Variants in RBFOX1 observed in about 807,000 individuals in gnomAD.
RBFOX1 encodes the protein RNA binding protein fox-1 homolog 1.
A neutral mutation model predicts 57.7 loss-of-function variants in RBFOX1; 8 were observed. That is an observed-to-expected ratio of 0.14 (90% CI 0.08 to 0.25). The LOEUF is 0.25. RBFOX1 is among the 10% of genes least tolerant of loss of function. The pLI is 1.00. For missense variants in RBFOX1, 611 were observed against 548.5 expected (o/e 1.11, Z -1.14); for synonymous variants, 326 against 222.4 (o/e 1.47, Z -4.15).
At chr16:6,482,989 T>C (rs1357405963) in intron 2 of RBFOX1, among the ~76,000 whole-genome samples, 1 of 152,190 alleles carries the variant, frequency 6.6e-6, no homozygotes, top group Non-Finnish European at 1.5e-5. Flanking sequence ...TGGTACATAT[T>C]TAATGCCTGA....
At chr16:6,811,382 A>C (rs1361766569) in intron 3 of RBFOX1, among the ~76,000 whole-genome samples, 2 of 152,236 alleles carry the variant, frequency 1.3e-5, no homozygotes, top group Non-Finnish European at 2.9e-5. Context: ...AAATGTGATT[A>C]GCTTTTAGCT....
At chr16:7,103,146 A>G (rs546141210) in intron 4 of RBFOX1, among the ~76,000 whole-genome samples, 141 of 152,172 alleles carry the variant, frequency 9.3e-4, no homozygotes, top group Non-Finnish European at 1.6e-3. Context: ...AGTATTACTG[A>G]AAGTTATTCC....
chr16:5,435,401 G>C (rs962922918), intron 1 of RBFOX1, among the ~76,000 whole-genome samples: 5 of 152,146 alleles, frequency 3.3e-5, no homozygotes, highest in African/African-American at 1.2e-4. Context: ...GAATGTGTAG[G>C]AGTGGAGCTT....
chr16:6,669,293 C>G (rs1603291877), intron 3 of RBFOX1, among the ~76,000 whole-genome samples: 1 of 152,188 alleles, frequency 6.6e-6, no homozygotes, highest in Admixed American at 6.5e-5. Flanking sequence ...CATGAACACA[C>G]TCACCCAATT....
chr16:6,986,260 G>A (rs1189929478), intron 3 of RBFOX1, among the ~76,000 whole-genome samples: 1 of 151,572 alleles, frequency 6.6e-6, no homozygotes, highest in Non-Finnish European at 1.5e-5. Flanking sequence ...GAGTGCAATG[G>A]CATGATCTTG....
intron 4 of RBFOX1, among the ~76,000 whole-genome samples, chr16:5,906,049 G>A (rs2058447271): frequency 6.6e-6 from 1 of 152,130 alleles, no homozygotes; most frequent in Non-Finnish European, 1.5e-5. Flanking sequence ...GCTGTGAGTG[G>A]GGGTAGTCGC....
intron 14 of RBFOX1, among the ~76,000 whole-genome samples, chr16:7,691,423 GAACGGAAAGAA>G (rs146224200): frequency 0.035 from 5,246 of 151,172 alleles, 123 homozygotes; most frequent in Non-Finnish European, 0.052. Flanking sequence ...AGGAGAGAAA[GAACGGAAAGAA>G]AACGGAAAGG....
At chr16:7,075,413 C>T (rs1325760894) in intron 4 of RBFOX1, among the ~76,000 whole-genome samples, 2 of 152,096 alleles carry the variant, frequency 1.3e-5, no homozygotes, top group Non-Finnish European at 2.9e-5. Context: ...TGTTAGCATA[C>T]ATGATTAGGG....
At chr16:5,718,283 T>A (rs1474210974) in intron 3 of RBFOX1, among the ~76,000 whole-genome samples, 1 of 152,222 alleles carries the variant, frequency 6.6e-6, no homozygotes, top group African/African-American at 2.4e-5. Flanking sequence ...GAACCCAATG[T>A]GCAGTGAGAA....
intron 3 of RBFOX1, among the ~76,000 whole-genome samples, chr16:6,721,588 C>G (rs977164729): frequency 4.6e-5 from 7 of 152,116 alleles, no homozygotes; most frequent in African/African-American, 1.4e-4. Context: ...TAACAGCTCC[C>G]CATTCTCCTT....
At chr16:6,676,712 G>A (rs1208642914) in intron 3 of RBFOX1, among the ~76,000 whole-genome samples, 3 of 67,288 alleles carry the variant, frequency 4.5e-5, no homozygotes, top group African/African-American at 1.8e-4. Context: ...TCTCACTCTT[G>A]TCCCCCAGGC....
rs1225625230 is a variant in RBFOX1 at position 7,627,851 on chromosome 16, A to T, written c.677-2752A>T. Among the ~76,000 whole-genome samples, 13 of 152,232 alleles carry T rather than the reference A, an allele frequency of 8.5e-5. No individual in the cohort carries two copies. In the East Asian group the frequency reaches 1.9e-3, roughly 23 times the overall value. ...ATTGGAGGATGCTTTTAGATAAAAC[A>T]AAAACCAAGTCCTGTGAAGGCATAG... On this transcript the variant is annotated intron_variant, in intron 10 of 15. Coordinates refer to ENST00000550418, the MANE Select transcript of RBFOX1 (RefSeq NM_018723.4).
intron 11 of RBFOX1, among the ~76,000 whole-genome samples, chr16:7,640,571 C>T (rs984420283): frequency 6.6e-6 from 1 of 152,114 alleles, no homozygotes; most frequent in African/African-American, 2.4e-5. Context: ...ACTATGTTGC[C>T]CTGGGATTCC....
At chr16:7,610,422 G>A (rs1176810480) in intron 10 of RBFOX1, among the ~76,000 whole-genome samples, 1 of 151,470 alleles carries the variant, frequency 6.6e-6, no homozygotes, top group Non-Finnish European at 1.5e-5. Context: ...CCAATCGACT[G>A]TCTCCTATGA....
At position 6,613,034 on chromosome 16, in the gene RBFOX1, T is replaced by A. The variant is rs1043712135; in HGVS notation, c.-63-41569T>A. ...GTGTGTGTGTGTGTGTGTGTGTGTG[T>A]GTGTGTGTGAGTGTGTGTGTGTGTT... is the stretch of plus-strand genomic sequence containing the variant. On this transcript the variant is annotated intron_variant, in intron 2 of 15. Coordinates refer to ENST00000550418, the MANE Select transcript of RBFOX1 (RefSeq NM_018723.4). 3.6e-4 allele frequency among the ~76,000 whole-genome samples: 50 copies of A among 138,824 alleles called. 1 individual carries two copies. The South Asian group carries it at 0.01, about 29-fold the overall frequency. 91.1% of individuals were successfully genotyped at this position (138,824 alleles called of 152,430 possible).
chr16:7,097,703 A>G (rs2061941672), intron 4 of RBFOX1, among the ~76,000 whole-genome samples: 1 of 152,160 alleles, frequency 6.6e-6, no homozygotes, highest in Admixed American at 6.5e-5. Flanking sequence ...CTGCTCCCCA[A>G]ACTTGCACAA....
At chr16:7,293,130 C>A in intron 4 of RBFOX1, among the ~76,000 whole-genome samples, 1 of 152,172 alleles carries the variant, frequency 6.6e-6, no homozygotes, top group East Asian at 1.9e-4. Context: ...TTGGGTTCTG[C>A]ATCCATAGAT....
chr16:5,911,991 A>G (rs766894465), intron 4 of RBFOX1, among the ~76,000 whole-genome samples: 19 of 152,122 alleles, frequency 1.2e-4, no homozygotes, highest in Non-Finnish European at 8.8e-5. Flanking sequence ...AAATTTGGAG[A>G]CAGGAAGACC....
chr16:6,707,761 G>C lies in RBFOX1; in HGVS notation c.-16+53111G>C, dbSNP rs144847022. Reference sequence around the variant, plus strand: ...TCCAGATTCTGCAACTTTAGTAGCCGTGTAGGAGACCAAAAGAGAAAGTTT... The same window carrying C: ...TCCAGATTCTGCAACTTTAGTAGCCCTGTAGGAGACCAAAAGAGAAAGTTT... On this transcript the variant is annotated intron_variant, in intron 3 of 15. Transcript: ENST00000550418. Among the ~76,000 whole-genome samples the C allele has an allele frequency of 2.6e-5, 4 of 152,230 alleles. No individual in the cohort carries two copies. The East Asian group carries it at 7.7e-4, about 29-fold the overall frequency.
Sources: allele counts gnomAD v4.1 joint callset (sites outside exome capture counted in the v4.1 genomes callset), GRCh38; gene constraint gnomAD v4.1.1; transcripts MANE v1.5; gene names NCBI Gene and HGNC (gene_info 2026-07-23, HGNC 2026-07-21).